BFSP2: variants seen among roughly 807,000 people sequenced by gnomAD.
BFSP2 encodes the protein beaded filament structural protein 2.
In BFSP2, 38 loss-of-function variants were observed where a neutral mutation model predicts 44.9. The observed-to-expected ratio is 0.85, with a 90% CI of 0.65 to 1.11. The LOEUF is 1.11. Among genes scored for constraint, BFSP2 ranks in the 50% least tolerant of loss-of-function variants. BFSP2 has a pLI of 0.00. For synonymous variants in BFSP2, 197 were observed against 209.9 expected (o/e 0.94, Z 0.53); for missense variants, 525 against 533.0 (o/e 0.99, Z 0.15).
At chr3:133,426,234 G>T (rs1030185315) in intron 1 of BFSP2, among the ~76,000 whole-genome samples, 2 of 151,798 alleles carry the variant, frequency 1.3e-5, no homozygotes, top group Non-Finnish European at 2.9e-5. Context: ...TTCTGCCTCT[G>T]CAGTATGGCC....
intron 1 of BFSP2, among the ~76,000 whole-genome samples, chr3:133,431,101 G>A (rs1225917734): frequency 6.6e-6 from 1 of 151,904 alleles, no homozygotes; most frequent in African/African-American, 2.4e-5. Context: ...GCAACCCTGA[G>A]ACGCTTTACA....
intron 4 of BFSP2, among the ~76,000 whole-genome samples, chr3:133,451,455 T>C (rs1395974055): frequency 6.6e-6 from 1 of 152,242 alleles, no homozygotes; most frequent in African/African-American, 2.4e-5. Flanking sequence ...TCCTCAGCGC[T>C]GCCACTGCAG....
chr3:133,422,673 A>C (rs575909026), intron 1 of BFSP2, among the ~76,000 whole-genome samples: 12 of 150,210 alleles, frequency 8.0e-5, no homozygotes, highest in African/African-American at 2.9e-4. Flanking sequence ...TGTTCAGTAC[A>C]TTTTGGGCAC....
intron 1 of BFSP2, among the ~76,000 whole-genome samples, chr3:133,415,752 T>C (rs1202168400): frequency 8.8e-6 from 1 of 113,962 alleles, no homozygotes; most frequent in Non-Finnish European, 1.8e-5. Context: ...CCATCTCCCC[T>C]CTATTCATCC....
At chr3:133,424,226 T>C (rs866313677) in intron 1 of BFSP2, among the ~76,000 whole-genome samples, 1 of 128,956 alleles carries the variant, frequency 7.8e-6, no homozygotes, top group Non-Finnish European at 1.6e-5. Context: ...TTTTTTTTTT[T>C]TTTTTTTTTT....
rs936645618 is a variant in BFSP2 at position 133,407,619 on chromosome 3, G to A, written c.489+7047G>A. ...GGCTGGGGAGGGGACCAGCAGCCCC[G>A]CCAGACATTAACATATTATAAAGTC... On this transcript the variant is annotated intron_variant, in intron 1 of 6. Coordinates refer to ENST00000302334, the MANE Select transcript of BFSP2 (RefSeq NM_003571.4). Among the ~76,000 whole-genome samples, 10 of 151,960 alleles carry A rather than the reference G, an allele frequency of 6.6e-5. No individual in the cohort carries two copies. The South Asian group carries it at 1.5e-3, about 22-fold the overall frequency.
chr3:133,440,733 C>T (rs921432946), intron 1 of BFSP2, among the ~76,000 whole-genome samples: 8 of 152,098 alleles, frequency 5.3e-5, no homozygotes, highest in Non-Finnish European at 1.0e-4. Context: ...TCCTGTTTGC[C>T]CAACAATGGC....
At chr3:133,427,707 T>C (rs939173024) in intron 1 of BFSP2, among the ~76,000 whole-genome samples, 1 of 152,202 alleles carries the variant, frequency 6.6e-6, no homozygotes, top group African/African-American at 2.4e-5. Context: ...GTCCATTACG[T>C]CCCACTGGAA....
chr3:133,466,538 C>T (rs1357213699), intron 4 of BFSP2, among the ~76,000 whole-genome samples: 1 of 151,586 alleles, frequency 6.6e-6, no homozygotes, highest in Admixed American at 6.6e-5. Context: ...AAAAAATTAG[C>T]CAGGCCTGGT....
intron 1 of BFSP2, among the ~76,000 whole-genome samples, chr3:133,446,633 T>A (rs1576585196): frequency 1.4e-5 from 1 of 71,940 alleles, no homozygotes; most frequent in Admixed American, 1.7e-4. Context: ...TATATATATA[T>A]ATATATAAAG....
rs2073926603 is a variant in BFSP2, at chr3:133,448,640, G to C, written c.724G>C (p.Glu242Gln). The change falls in exon 3 of 7, where the codon GAA becomes CAA. Residue 242 changes from glutamate (E) to glutamine (Q), a missense_variant. Glu to Gln is a conservative substitution (Grantham distance 29). Coordinates refer to ENST00000302334, the MANE Select transcript of BFSP2 (RefSeq NM_003571.4). Reference sequence around the variant, plus strand: ...ACTTGGCTCTCTATCAAGAAACTATGAAGAGGTAGGAGGGGGCTGGGGTTG... The same window carrying C: ...ACTTGGCTCTCTATCAAGAAACTATCAAGAGGTAGGAGGGGGCTGGGGTTG... ...EELGSLSRNY[E>Q]EDVKLLHKQL... 4 of 1,613,594 alleles carry C rather than the reference G, an allele frequency of 2.5e-6. No homozygotes were observed. The highest frequency in any genetic ancestry group is 3.4e-6 in the Non-Finnish European group (4 of 1,179,810).
At position 133,475,104 on chromosome 3, in the gene BFSP2, G is replaced by A; in HGVS notation, c.*132G>A. ...TGGTTAATTCAGCTTGAGCTGAAAA[G>A]CTTCCTGGAAGTGGAGAGGATCCTT... On this transcript the variant is annotated 3_prime_UTR_variant, in exon 7 of 7. Transcript: ENST00000302334. The A allele has an allele frequency of 1.5e-6, 2 of 1,330,690 alleles. No individual in the cohort carries two copies. The highest frequency in any genetic ancestry group is 2.2e-6 in the Non-Finnish European group (2 of 926,126). The allele number at this position is 1,330,690 out of a possible 1,614,324, so 82.4% of individuals were successfully genotyped here.
In BFSP2 at chr3:133,424,212, ATT is replaced by A. The variant is rs112772093; in HGVS notation, c.490-23077_490-23076del. ...AGGCGCCTACCACCGCGTCCAGCTA[ATT>A]TTTTTTTTTTTTTTTTTTTTTTTTT... On this transcript the variant is annotated intron_variant, in intron 1 of 6. Coordinates refer to ENST00000302334, the MANE Select transcript of BFSP2 (RefSeq NM_003571.4). Among the ~76,000 whole-genome samples the A allele has an allele frequency of 5.7e-3, 369 of 64,582 alleles. 1 individual carries two copies. The East Asian group carries it at 0.16, about 28-fold the overall frequency. 42.4% of individuals were successfully genotyped at this position (64,582 alleles called of 152,430 possible).
chr3:133,455,062 A>AATGCC (rs2107930758), intron 4 of BFSP2, among the ~76,000 whole-genome samples: 1 of 152,322 alleles, frequency 6.6e-6, no homozygotes, highest in East Asian at 1.9e-4. Context: ...CTGTAACAAC[A>AATGCC]ATGCCTTCTT....
chr3:133,418,769 G>A (rs1237985719), intron 1 of BFSP2, among the ~76,000 whole-genome samples: 4 of 152,100 alleles, frequency 2.6e-5, no homozygotes, highest in African/African-American at 9.7e-5. Flanking sequence ...ACTTCCGTAA[G>A]ACTCATGAGG....
intron 6 of BFSP2, among the ~76,000 whole-genome samples, chr3:133,474,206 T>C (rs1235864231): frequency 6.6e-6 from 1 of 152,240 alleles, no homozygotes; most frequent in African/African-American, 2.4e-5. Flanking sequence ...TATGCCTTCT[T>C]ATTTCCCTCC....
chr3:133,424,218 T>TGTGTGTG lies in BFSP2; in HGVS notation c.490-23099_490-23098insGTGTGTG, dbSNP rs1473665826. ...CTACCACCGCGTCCAGCTAATTTTT[T>TGTGTGTG]TTTTTTTTTTTTTTTTTTTTTTTGT... On this transcript the variant is annotated intron_variant, in intron 1 of 6. Coordinates refer to ENST00000302334, the MANE Select transcript of BFSP2 (RefSeq NM_003571.4). 3.8e-3 allele frequency among the ~76,000 whole-genome samples: 249 copies of TGTGTGTG among 64,802 alleles called. 8 individuals are homozygous for TGTGTGTG. The highest frequency in any genetic ancestry group is 7.2e-3 in the African/African-American group (137 of 19,080). The allele number at this position is 64,802 out of a possible 152,430, so 42.5% of individuals were successfully genotyped here.
chr3:133,448,607 AAAG>A lies in BFSP2; in HGVS notation c.697_699del (p.Glu233del), dbSNP rs121908938. On this transcript the variant is annotated inframe_deletion, in exon 3 of 7. Coordinates refer to ENST00000302334, the MANE Select transcript of BFSP2 (RefSeq NM_003571.4). Reference sequence around the variant, plus strand: ...CCTGGAGAGTCAAATAGAAAGTCTGAAAGAAGAACTTGGCTCTCTATCAAGAAA... The same window carrying A: ...CCTGGAGAGTCAAATAGAAAGTCTGAAAGAACTTGGCTCTCTATCAAGAAA... 1 of 1,614,082 alleles carries A rather than the reference AAAG, an allele frequency of 6.2e-7. No homozygotes were observed. The highest frequency in any genetic ancestry group is 8.5e-7 in the Non-Finnish European group (1 of 1,179,990).
rs1240694895 is a variant in BFSP2 at position 133,472,337 on chromosome 3, T to C, written c.1024-8T>C. The C allele has an allele frequency of 6.2e-7, 1 of 1,608,868 alleles. No individual in the cohort carries two copies. The highest frequency in any genetic ancestry group is 1.7e-5 in the Admixed American group (1 of 59,906). On this transcript the variant is annotated splice_region_variant and splice_polypyrimidine_tract_variant and intron_variant, in intron 5 of 6. Coordinates refer to ENST00000302334, the MANE Select transcript of BFSP2 (RefSeq NM_003571.4). ...CCTCGGGTTTGGACCGGGTTCGCTC[T>C]TTTGTAGAAACGAGGCCTGGAGAAC... is the stretch of plus-strand genomic sequence containing the variant.
Sources: allele counts gnomAD v4.1 joint callset (sites outside exome capture counted in the v4.1 genomes callset), GRCh38; gene constraint gnomAD v4.1.1; transcripts MANE v1.5; gene names NCBI Gene and HGNC (gene_info 2026-07-23, HGNC 2026-07-21).